Variants in THSD4 observed in about 807,000 individuals in gnomAD.
THSD4 encodes thrombospondin type-1 domain-containing protein 4.
In THSD4, 69 loss-of-function variants were observed where a neutral mutation model predicts 119.0. The observed-to-expected ratio is 0.58, with a 90% CI of 0.48 to 0.71. THSD4 has a LOEUF of 0.71. THSD4 is among the 30% of genes least tolerant of loss of function. The probability of loss-of-function intolerance (pLI) is 0.00; values close to 1 mark genes in which losing one functional copy is unlikely to be tolerated. For synonymous variants in THSD4, 524 were observed against 540.4 expected, an observed-to-expected ratio of 0.97 and a Z score of 0.42; for missense variants, 1,393 against 1,391.1, an observed-to-expected ratio of 1.00 and a Z score of -0.02.
chr15:71,665,905 G>A (rs1311996563), intron 8 of THSD4, among the ~76,000 whole-genome samples: 1 of 152,164 alleles, frequency 6.6e-6, no homozygotes, highest in East Asian at 1.9e-4. Context: ...GATTACCGTA[G>A]CCCTGTAGTA....
chr15:71,455,172 G>A (rs1482842653), intron 7 of THSD4, among the ~76,000 whole-genome samples: 3 of 152,192 alleles, frequency 2.0e-5, no homozygotes, highest in Non-Finnish European at 2.9e-5. Context: ...AGAAATGAGG[G>A]CTAGAAAAGA....
chr15:71,104,528 T>C (rs1011050578), intron 1 of THSD4, among the ~76,000 whole-genome samples: 1 of 152,200 alleles, frequency 6.6e-6, no homozygotes, highest in African/African-American at 2.4e-5. Context: ...TCTGAAAATA[T>C]TTTAAAGAGG....
At chr15:71,284,382 C>G (rs574411188) in intron 6 of THSD4, among the ~76,000 whole-genome samples, 1 of 152,164 alleles carries the variant, frequency 6.6e-6, no homozygotes, top group Non-Finnish European at 1.5e-5. Flanking sequence ...GAAATTCATA[C>G]ACATAAGTGT....
intron 4 of THSD4, among the ~76,000 whole-genome samples, chr15:71,238,802 A>G (rs953528366): frequency 1.3e-5 from 2 of 152,204 alleles, no homozygotes; most frequent in Non-Finnish European, 2.9e-5. Flanking sequence ...TCTCTTGGGC[A>G]TATACCTAGG....
At chr15:71,253,926 A>C (rs1264757983) in intron 5 of THSD4, among the ~76,000 whole-genome samples, 1 of 152,182 alleles carries the variant, frequency 6.6e-6, no homozygotes, top group Non-Finnish European at 1.5e-5. Flanking sequence ...CGTGAAACAG[A>C]CATTTATGTT....
chr15:71,666,672 A>T (rs116141359), intron 8 of THSD4, among the ~76,000 whole-genome samples: 17 of 152,252 alleles, frequency 1.1e-4, no homozygotes, highest in Admixed American at 4.6e-4. Flanking sequence ...TAGACTTACT[A>T]AAACTTACTG....
chr15:71,508,672 G>A (rs972963669), intron 7 of THSD4, among the ~76,000 whole-genome samples: 6 of 152,202 alleles, frequency 3.9e-5, no homozygotes, highest in African/African-American at 1.4e-4. Context: ...TCTGAGTAGA[G>A]AAGTGAGATA....
chr15:71,174,776 C>T (rs1335279218), intron 3 of THSD4, among the ~76,000 whole-genome samples: 3 of 151,816 alleles, frequency 2.0e-5, no homozygotes, highest in East Asian at 1.9e-4. Flanking sequence ...TCTCCCAGCA[C>T]GCAGCTGGAG....
chr15:71,602,191 A>T (rs1374642075), intron 7 of THSD4, among the ~76,000 whole-genome samples: 1 of 152,154 alleles, frequency 6.6e-6, no homozygotes, highest in Non-Finnish European at 1.5e-5. Context: ...GGAGCCAAAA[A>T]ATAATTAATA....
chr15:71,506,131 C>T (rs72735332), intron 7 of THSD4, among the ~76,000 whole-genome samples: 3 of 152,262 alleles, frequency 2.0e-5, no homozygotes, highest in Non-Finnish European at 2.9e-5. Context: ...GGTCCTTGCC[C>T]GTAAGGAGTT....
intron 3 of THSD4, among the ~76,000 whole-genome samples, chr15:71,207,273 T>C (rs1386827729): frequency 6.6e-6 from 1 of 152,238 alleles, no homozygotes; most frequent in Non-Finnish European, 1.5e-5. Context: ...TCTGATTCAC[T>C]TGGCCCCATC....
chr15:71,298,608 C>CTTTT (rs60709646), intron 6 of THSD4, among the ~76,000 whole-genome samples: 5 of 90,258 alleles, frequency 5.5e-5, no homozygotes, highest in Admixed American at 1.4e-4. Flanking sequence ...TATGTGCTGA[C>CTTTT]TTTTTTTTTT....
At chr15:71,326,328 T>C (rs952474882) in intron 6 of THSD4, among the ~76,000 whole-genome samples, 1 of 151,712 alleles carries the variant, frequency 6.6e-6, no homozygotes, top group Non-Finnish European at 1.5e-5. Context: ...TGGTCCAGAG[T>C]GAACACTCAG....
At chr15:71,285,928 A>G (rs1432554470) in intron 6 of THSD4, among the ~76,000 whole-genome samples, 2 of 148,888 alleles carry the variant, frequency 1.3e-5, no homozygotes, top group Non-Finnish European at 3.0e-5. Flanking sequence ...TTTCTTTATT[A>G]ATATCATTGC....
intron 7 of THSD4, among the ~76,000 whole-genome samples, chr15:71,603,802 G>A (rs1196508275): frequency 6.6e-6 from 1 of 152,188 alleles, no homozygotes; most frequent in African/African-American, 2.4e-5. Flanking sequence ...GACAATTGCT[G>A]TTATTGGAAG....
chr15:71,645,415 TTACC>T (rs2050949632), intron 7 of THSD4, among the ~76,000 whole-genome samples: 1 of 152,082 alleles, frequency 6.6e-6, no homozygotes, highest in African/African-American at 2.4e-5. Context: ...TCATGAGAAC[TTACC>T]ATCATGAGAA....
intron 7 of THSD4, among the ~76,000 whole-genome samples, chr15:71,655,827 C>T (rs956792675): frequency 6.6e-6 from 1 of 152,198 alleles, no homozygotes; most frequent in African/African-American, 2.4e-5. Context: ...ATTGATCAGC[C>T]TCCTGATACA....
intron 6 of THSD4, among the ~76,000 whole-genome samples, chr15:71,407,574 AT>A (rs1156367374): frequency 7.1e-6 from 1 of 141,060 alleles, no homozygotes; most frequent in African/African-American, 2.7e-5. Flanking sequence ...AGTAACCTAA[AT>A]TTTCTTGTAT....
At chr15:71,362,702 T>C (rs2045907876) in intron 6 of THSD4, among the ~76,000 whole-genome samples, 1 of 152,212 alleles carries the variant, frequency 6.6e-6, no homozygotes, top group Admixed American at 6.5e-5. Flanking sequence ...GTCCCGGTGC[T>C]ATGCTCTGGA....
Sources: allele counts gnomAD v4.1 joint callset (sites outside exome capture counted in the v4.1 genomes callset), GRCh38; gene constraint gnomAD v4.1.1; transcripts MANE v1.5; gene names NCBI Gene and HGNC (gene_info 2026-07-23, HGNC 2026-07-21).